TMTC1: variants seen among roughly 807,000 people sequenced by gnomAD.
TMTC1 encodes protein O-mannosyl-transferase TMTC1.
Under a neutral mutation model 104.8 loss-of-function variants are expected in TMTC1, and 73 were observed. That is an observed-to-expected ratio of 0.70 (90% CI 0.58 to 0.85). TMTC1 has a LOEUF of 0.85. TMTC1 is among the 40% of genes least tolerant of loss of function. The pLI, the probability that TMTC1 is intolerant of heterozygous loss-of-function variation, is 0.00. For missense variants in TMTC1, 1,035 were observed against 1,096.1 expected (o/e 0.94, Z 0.79); for synonymous variants, 434 against 428.7 (o/e 1.01, Z -0.15).
chr12:29,757,859 C>G (rs1228133015), intron 3 of TMTC1, among the ~76,000 whole-genome samples: 2 of 152,006 alleles, frequency 1.3e-5, no homozygotes, highest in African/African-American at 2.4e-5. Context: ...CATCAGATCT[C>G]GTGAGACTTA....
At chr12:29,693,066 T>C (rs1941311272) in intron 5 of TMTC1, among the ~76,000 whole-genome samples, 1 of 144,880 alleles carries the variant, frequency 6.9e-6, no homozygotes, top group Non-Finnish European at 1.5e-5. Context: ...TGAACCGTAG[T>C]AAGGTTTGCA....
chr12:29,745,169 C>T (rs1421829985), intron 5 of TMTC1, among the ~76,000 whole-genome samples: 1 of 152,158 alleles, frequency 6.6e-6, no homozygotes, highest in Non-Finnish European at 1.5e-5. Flanking sequence ...TTCATTTACC[C>T]TTTTCAATAA....
Position 29,783,717 on chromosome 12 carries a change from C to A in TMTC1, c.35G>T (p.Gly12Val). The change falls in exon 1 of 18, where the codon GGG becomes GTG. Residue 12 changes from glycine (G) to valine (V), a missense_variant. Gly to Val is a moderately radical substitution (Grantham distance 109, BLOSUM62 -3). Transcript: ENST00000539277. The surrounding 1 kb of genome is among the most constrained non-coding windows in gnomAD (Gnocchi z 4.7). ...CCGCCGCCGGGAGGGTGTGCGGTCC[C>A]CGCCGCCGCCTCGGGCAGAGGTGGT... ...VVTTSARGGG[G>V]DRTPSRRRGC... 8.3e-7 allele frequency: 1 copy of A among 1,210,256 alleles called. No homozygotes were observed. The highest frequency in any genetic ancestry group is 1.0e-6 in the Non-Finnish European group (1 of 976,652). 75.0% of individuals were successfully genotyped at this position (1,210,256 alleles called of 1,614,324 possible). A position where few individuals can be genotyped will look rare whatever the true frequency, so the allele number is the denominator to read the frequency against.
At chr12:29,651,266 T>C (rs899264322) in intron 5 of TMTC1, among the ~76,000 whole-genome samples, 1 of 152,184 alleles carries the variant, frequency 6.6e-6, no homozygotes, top group African/African-American at 2.4e-5. Flanking sequence ...TTTAGAGATA[T>C]AGTATGCTGA....
intron 1 of TMTC1, among the ~76,000 whole-genome samples, chr12:29,777,089 C>T (rs957365677): frequency 7.0e-6 from 1 of 142,292 alleles, no homozygotes; most frequent in African/African-American, 2.5e-5. Flanking sequence ...CATTCCTTAC[C>T]CCCCTCTCTC....
At chr12:29,565,426 C>T (rs530730497) in intron 9 of TMTC1, among the ~76,000 whole-genome samples, 1 of 152,298 alleles carries the variant, frequency 6.6e-6, no homozygotes, top group Admixed American at 6.5e-5. Flanking sequence ...TACCCCTTGC[C>T]AATCTAGCAC....
chr12:29,723,726 A>G (rs987363820), intron 5 of TMTC1, among the ~76,000 whole-genome samples: 2 of 152,118 alleles, frequency 1.3e-5, no homozygotes, highest in Non-Finnish European at 2.9e-5. Flanking sequence ...GTAAGGAAAA[A>G]ACGAGAGAGA....
At chr12:29,763,251 T>C (rs1411481348) in intron 2 of TMTC1, among the ~76,000 whole-genome samples, 1 of 152,172 alleles carries the variant, frequency 6.6e-6, no homozygotes, top group Non-Finnish European at 1.5e-5. Context: ...AAAGAGGGTG[T>C]TCAAATATTC....
intron 9 of TMTC1, chr12:29,568,911 C>G (rs1201941763): frequency 2.2e-6 from 1 of 455,998 alleles, no homozygotes; most frequent in Non-Finnish European, 4.4e-6. Flanking sequence ...AGTCGGAGAG[C>G]TCTGGAGGTC....
At chr12:29,553,112 A>G (rs1190520215) in intron 10 of TMTC1, among the ~76,000 whole-genome samples, 1 of 152,220 alleles carries the variant, frequency 6.6e-6, no homozygotes, top group Non-Finnish European at 1.5e-5. Flanking sequence ...ATTGCATGCC[A>G]TTAAACAGTC....
At chr12:29,515,034 A>G (rs1943946133) in intron 15 of TMTC1, among the ~76,000 whole-genome samples, 1 of 152,068 alleles carries the variant, frequency 6.6e-6, no homozygotes, top group Non-Finnish European at 1.5e-5. Flanking sequence ...TACATTCTTC[A>G]TTATCTTTGA....
chr12:29,668,444 A>G (rs1328135139), intron 5 of TMTC1, among the ~76,000 whole-genome samples: 1 of 135,578 alleles, frequency 7.4e-6, no homozygotes, highest in Non-Finnish European at 1.6e-5. Context: ...TTCAAACCAT[A>G]CCAACTTATC....
At chr12:29,586,741 T>C (rs1946145832) in intron 7 of TMTC1, among the ~76,000 whole-genome samples, 1 of 146,810 alleles carries the variant, frequency 6.8e-6, no homozygotes, top group South Asian at 2.2e-4. Flanking sequence ...TTACGTTTAT[T>C]GATTTTCGAA....
At chr12:29,657,505 A>G (rs1390055208) in intron 5 of TMTC1, among the ~76,000 whole-genome samples, 1 of 152,230 alleles carries the variant, frequency 6.6e-6, no homozygotes, top group African/African-American at 2.4e-5. Flanking sequence ...CAGGTTCTAC[A>G]CTGCTGAGAA....
chr12:29,697,203 C>T (rs1460938652), intron 5 of TMTC1, among the ~76,000 whole-genome samples: 1 of 152,186 alleles, frequency 6.6e-6, no homozygotes, highest in Non-Finnish European at 1.5e-5. Context: ...ATACAGGTTC[C>T]ACTACATACT....
intron 9 of TMTC1, among the ~76,000 whole-genome samples, chr12:29,559,801 C>T (rs1945335196): frequency 6.6e-6 from 1 of 152,172 alleles, no homozygotes; most frequent in Non-Finnish European, 1.5e-5. Context: ...TAGCAATATC[C>T]TTTCTCTCTC....
At chr12:29,565,898 G>A (rs1945498701) in intron 9 of TMTC1, among the ~76,000 whole-genome samples, 1 of 152,140 alleles carries the variant, frequency 6.6e-6, no homozygotes, top group Non-Finnish European at 1.5e-5. Context: ...ATGTAGCATT[G>A]TTCCATTCAA....
rs748290717 is a variant in TMTC1 at position 29,556,931 on chromosome 12, C to A, written c.1602G>T (p.Lys534Asn). The change falls in exon 10 of 18, where the codon AAG (lysine) becomes AAT (asparagine). Residue 534 changes from lysine to asparagine, a missense_variant. Coordinates refer to ENST00000539277, the MANE Select transcript of TMTC1 (RefSeq NM_001193451.2). ...GCTGGAGAGCCCTCTGATAGTACAT[C>A]TTTGCCTCTGCTGTGTCTCTCGTCA... ...GTLTRDTAEA[K>N]MYYQRALQLH... 10 of 1,614,136 alleles carry A rather than the reference C, an allele frequency of 6.2e-6. No individual in the cohort carries two copies. The highest frequency in any genetic ancestry group is 8.5e-6 in the Non-Finnish European group (10 of 1,179,990).
chr12:29,647,083 C>T (rs1320523795), intron 5 of TMTC1, among the ~76,000 whole-genome samples: 7 of 152,114 alleles, frequency 4.6e-5, no homozygotes, highest in Admixed American at 6.5e-5. Flanking sequence ...AGTACAGTGG[C>T]GCAATCTCGG....
Sources: allele counts gnomAD v4.1 joint callset (sites outside exome capture counted in the v4.1 genomes callset), GRCh38; gene constraint gnomAD v4.1.1; non-coding constraint Gnocchi (gnomAD v3.1); transcripts MANE v1.5; gene names NCBI Gene and HGNC (gene_info 2026-07-23, HGNC 2026-07-21).